GTPBP3: variants seen among roughly 807,000 people sequenced by gnomAD.
GTPBP3 encodes GTP binding protein 3, mitochondrial.
In GTPBP3, 35 loss-of-function variants were observed where a neutral mutation model predicts 42.0. The ratio of observed to expected loss-of-function variants is 0.83; its 90% CI spans 0.64 to 1.10. The LOEUF (loss-of-function observed/expected upper bound fraction) is 1.10. GTPBP3 is among the 50% of genes least tolerant of loss of function. GTPBP3 has a pLI of 0.00. For missense variants in GTPBP3, 691 were observed against 685.2 expected, an observed-to-expected ratio of 1.01 and a Z score of -0.09; for synonymous variants, 332 against 314.9, an observed-to-expected ratio of 1.05 and a Z score of -0.58.
At position 17,337,575 on chromosome 19, in the gene GTPBP3, A is replaced by G; in HGVS notation, c.-37A>G. 7.6e-7 allele frequency: 1 copy of G among 1,316,526 alleles called. No individual in the cohort carries two copies. The highest frequency in any genetic ancestry group is 9.7e-7 in the Non-Finnish European group (1 of 1,027,124). 81.6% of individuals were successfully genotyped at this position (1,316,526 alleles called of 1,614,324 possible). ...CCCCTGCCCAGACTTGAAGCCACAC[A>G]GGCAGGTCGGGCAGGCGGGTCGCAG... On this transcript the variant is annotated 5_prime_UTR_variant, in exon 1 of 9. Coordinates refer to ENST00000324894, the MANE Select transcript of GTPBP3 (RefSeq NM_032620.4).
Position 17,341,993 on chromosome 19 carries a change from T to C in GTPBP3, c.*290T>C. The C allele has an allele frequency of 2.9e-6, 1 of 339,024 alleles. No individual in the cohort carries two copies. The highest frequency in any genetic ancestry group is 5.3e-6 in the Non-Finnish European group (1 of 188,506). The allele number at this position is 339,024 out of a possible 1,614,324, so 21.0% of individuals were successfully genotyped here. On this transcript the variant is annotated 3_prime_UTR_variant, in exon 9 of 9. Coordinates refer to ENST00000324894, the MANE Select transcript of GTPBP3 (RefSeq NM_032620.4). Reference sequence around the variant, plus strand: ...ATTTGTTTCGTAGTTTTTTATTTATTTTGCAAATACCAAAGGAATGTAAAA... The same window carrying C: ...ATTTGTTTCGTAGTTTTTTATTTATCTTGCAAATACCAAAGGAATGTAAAA...
In GTPBP3 at chr19:17,338,031, G is replaced by C; in HGVS notation, c.77G>C (p.Gly26Ala). ...PRRLCTRRSS[G>A]APAPGSGATI... is the part of the protein sequence containing the mutation. ...AGATTGTGCACGCGCCGGAGCAGCGGCGCACCAGCCCCCGGCTCCGGCGCC... is the reference window on the plus strand; with the variant it reads ...AGATTGTGCACGCGCCGGAGCAGCGCCGCACCAGCCCCCGGCTCCGGCGCC... The change falls in exon 2 of 9, where the codon GGC (glycine) becomes GCC (alanine). Residue 26 changes from glycine (G) to alanine (A), a missense_variant. Coordinates refer to ENST00000324894, the MANE Select transcript of GTPBP3 (RefSeq NM_032620.4). 1 of 1,597,820 alleles carries C rather than the reference G, an allele frequency of 6.3e-7. No individual in the cohort carries two copies. The highest frequency in any genetic ancestry group is 8.5e-7 in the Non-Finnish European group (1 of 1,179,450).
In GTPBP3 at chr19:17,338,000, G is replaced by C; in HGVS notation, c.54-8G>C. On this transcript the variant is annotated splice_region_variant and splice_polypyrimidine_tract_variant and intron_variant, in intron 1 of 8. Transcript: ENST00000324894. ...AGGTGCGCTGATTCGCCTCCCCTCC[G>C]GTTCCAGATTGTGCACGCGCCGGAG... 1 of 1,596,258 alleles carries C rather than the reference G, an allele frequency of 6.3e-7. No homozygotes were observed.
rs539163620 is a variant in GTPBP3 at position 17,339,980 on chromosome 19, C to T, written c.974+381C>T. On this transcript the variant is annotated intron_variant, in intron 7 of 8. Transcript: ENST00000324894. ...CTATGTTGGCCAGGTTGGTCTCTAA[C>T]TCCTGAGCCTCGGCCTCCCAAAGTG... Among the ~76,000 whole-genome samples the T allele has an allele frequency of 1.7e-4, 25 of 150,478 alleles. No homozygotes were observed. In the South Asian group the frequency reaches 4.9e-3, roughly 29 times the overall value.
chr19:17,340,045 T>C (rs1443451884), intron 7 of GTPBP3, among the ~76,000 whole-genome samples: 4 of 151,474 alleles, frequency 2.6e-5, no homozygotes, highest in Non-Finnish European at 5.9e-5. Flanking sequence ...TTTGTTTTTG[T>C]TTTTGAGACG....
chr19:17,335,207 G>T, upstream of GTPBP3: 4 of 1,511,554 alleles, frequency 2.6e-6, no homozygotes, highest in Non-Finnish European at 3.5e-6. Context: ...CCCCAGTAGG[G>T]CTGTGATACA....
At chr19:17,339,912 ATTTTT>A (rs35014753) in intron 7 of GTPBP3, among the ~76,000 whole-genome samples, 1 of 139,802 alleles carries the variant, frequency 7.2e-6, no homozygotes. Context: ...ACGCCGAACT[ATTTTT>A]TTTTTTTTTT....
At chr19:17,341,354 AC>A (rs2074430405) in intron 8 of GTPBP3, 32 bp downstream of exon 8, 1 of 1,567,856 alleles carries the variant, frequency 6.4e-7, no homozygotes, top group African/African-American at 1.4e-5. Context: ...GCCTCCCCTG[AC>A]CCACAGTTTA....
chr19:17,337,292 A>G (rs1041832716), upstream of GTPBP3: 5 of 307,466 alleles, frequency 1.6e-5, no homozygotes, highest in Non-Finnish European at 5.9e-6. Context: ...GCCCTGTGCC[A>G]AACTCTGTCC....
rs751759120 is a variant in GTPBP3, at chr19:17,341,515, C to T, written c.1291C>T (p.Arg431Ter). ...GTCCACAGATCCCCCGCTGCTGACC[C>T]GAGCAAGGCACCAGCACCACCTCCA... is the stretch of plus-strand genomic sequence containing the variant. Reference protein sequence around the residue: ...DPSTDPPLLTRARHQHHLQGC... With the variant: ...DPSTDPPLLT Residue 431 changes from arginine to a stop codon, truncating the protein, a stop_gained, in exon 9 of 9, where the codon CGA becomes TGA. Transcript: ENST00000324894. LOFTEE classifies it high-confidence loss of function. 9 of 1,613,290 alleles carry T rather than the reference C, an allele frequency of 5.6e-6. No homozygotes were observed. The highest frequency in any genetic ancestry group is 7.6e-6 in the Non-Finnish European group (9 of 1,179,660).
Position 17,341,755 on chromosome 19 carries a change from G to A in GTPBP3, c.*52G>A. On this transcript the variant is annotated 3_prime_UTR_variant, in exon 9 of 9. Coordinates refer to ENST00000324894, the MANE Select transcript of GTPBP3 (RefSeq NM_032620.4). ...CTGCGTGGAGACCCAGGAGCCTCGG[G>A]GGATCTGGAAACAGTTTAGGCCAAT... 6.8e-7 allele frequency: 1 copy of A among 1,469,642 alleles called. No individual in the cohort carries two copies. The highest frequency in any genetic ancestry group is 9.2e-7 in the Non-Finnish European group (1 of 1,089,906). 91.0% of individuals were successfully genotyped at this position (1,469,642 alleles called of 1,614,324 possible). A position where few individuals can be genotyped will look rare whatever the true frequency, so the allele number is the denominator to read the frequency against.
At chr19:17,335,846 AGATGTAATAACTAGCTTGTTAC>A (rs1240918414), upstream of GTPBP3, among the ~76,000 whole-genome samples, 2 of 84,454 alleles carry the variant, frequency 2.4e-5, no homozygotes, top group Non-Finnish European at 3.5e-5. Flanking sequence ...AGCTTGTTAC[AGATGTAATAACTAGCTTGTTAC>A]AGATGTAACA....
intron 8 of GTPBP3, 37 bp from the exon 9 acceptor site, chr19:17,341,441 A>G: frequency 6.3e-7 from 1 of 1,581,332 alleles, no homozygotes; most frequent in Non-Finnish European, 8.6e-7. Context: ...GATGGTTGTA[A>G]AAGGTCGGGA....
At position 17,338,620 on chromosome 19, in the gene GTPBP3, A is replaced by T. The variant is rs1018844845; in HGVS notation, c.470A>T (p.Glu157Val). The T allele has an allele frequency of 1.2e-6, 2 of 1,614,070 alleles. No individual in the cohort carries two copies. The highest frequency in any genetic ancestry group is 1.7e-5 in the Admixed American group (1 of 60,030). Residue 157 changes from glutamate (E) to valine (V), a missense_variant, in exon 4 of 9, where the codon GAA becomes GTA. Transcript: ENST00000324894. ...AFANGKLNLT[E>V]VEGLADLIHA... ...GCCAATGGGAAGCTGAACCTGACCG[A>T]AGTGGAGGGGCTGGCGGACCTTATC...
intron 8 of GTPBP3, 52 bp from the exon 9 acceptor site, chr19:17,341,426 C>T (rs2074430989): frequency 6.4e-7 from 1 of 1,572,974 alleles, no homozygotes; most frequent in African/African-American, 1.4e-5. Context: ...ATTTCCCCTT[C>T]AAGGGATGGT....
chr19:17,337,026 A>C (rs2074374076), upstream of GTPBP3: 1 of 152,192 alleles, frequency 6.6e-6, no homozygotes, highest in Non-Finnish European at 1.5e-5. Context: ...AGAGTTCCGG[A>C]AAAAGCAAGT....
Position 17,337,586 on chromosome 19 carries a change from G to C in GTPBP3, c.-26G>C. The stretch of plus-strand genomic sequence containing the variant: ...ACTTGAAGCCACACAGGCAGGTCGG[G>C]CAGGCGGGTCGCAGGTTGTAAATCC... On this transcript the variant is annotated 5_prime_UTR_variant, in exon 1 of 9. Transcript: ENST00000324894. 1 of 1,315,030 alleles carries C rather than the reference G, an allele frequency of 7.6e-7. No homozygotes were observed. The allele number at this position is 1,315,030 out of a possible 1,614,324, so 81.5% of individuals were successfully genotyped here.
intron 7 of GTPBP3, among the ~76,000 whole-genome samples, chr19:17,340,052 G>T (rs2074413752): frequency 6.7e-6 from 1 of 149,424 alleles, no homozygotes; most frequent in South Asian, 2.1e-4. Flanking sequence ...TTGTTTTTGA[G>T]ACGGAGTTTC....
chr19:17,341,777 C>G lies in GTPBP3; in HGVS notation c.*74C>G. On this transcript the variant is annotated 3_prime_UTR_variant, in exon 9 of 9. Coordinates refer to ENST00000324894, the MANE Select transcript of GTPBP3 (RefSeq NM_032620.4). ...CGGGGGATCTGGAAACAGTTTAGGC[C>G]AATTGGGATTCTCATTCGCCTGGGA... 7.8e-7 allele frequency: 1 copy of G among 1,278,040 alleles called. No individual in the cohort carries two copies. 79.2% of individuals were successfully genotyped at this position (1,278,040 alleles called of 1,614,324 possible).
Sources: allele counts gnomAD v4.1 joint callset (sites outside exome capture counted in the v4.1 genomes callset), GRCh38; gene constraint gnomAD v4.1.1; transcripts MANE v1.5; gene names NCBI Gene and HGNC (gene_info 2026-07-23, HGNC 2026-07-21).